Variants in MPPED1 observed in about 807,000 individuals in gnomAD.
MPPED1 encodes the protein metallophosphoesterase domain containing 1, also known as metallophosphoesterase domain-containing protein 1.
A neutral mutation model predicts 36.2 loss-of-function variants in MPPED1; 16 were observed. The observed-to-expected ratio is 0.44, with a 90% CI of 0.30 to 0.67. The LOEUF (loss-of-function observed/expected upper bound fraction) is 0.67, where lower values mean the gene tolerates loss of function less well. MPPED1 is among the 30% of genes least tolerant of loss of function. MPPED1 has a pLI of 0.10. For missense variants in MPPED1, 307 were observed against 453.4 expected (o/e 0.68, Z 2.93); for synonymous variants, 199 against 191.3 (o/e 1.04, Z -0.33).
chr22:43,463,856 T>TTTCTTTC (rs1931060735), intron 3 of MPPED1, among the ~76,000 whole-genome samples: 1 of 148,520 alleles, frequency 6.7e-6, no homozygotes, highest in Non-Finnish European at 1.5e-5. Context: ...TCTTTCTTTC[T>TTTCTTTC]TTCTTTCTTT....
At chr22:43,465,340 T>C (rs868700322) in intron 3 of MPPED1, among the ~76,000 whole-genome samples, 4 of 152,366 alleles carry the variant, frequency 2.6e-5, no homozygotes, top group Middle Eastern at 6.8e-3. Flanking sequence ...TTACCATCCG[T>C]GGGCCAGCTA....
At chr22:43,473,670 G>A (rs571084735) in intron 3 of MPPED1, among the ~76,000 whole-genome samples, 53 of 152,202 alleles carry the variant, frequency 3.5e-4, no homozygotes, top group Non-Finnish European at 6.9e-4. Flanking sequence ...GGAGTCAGGG[G>A]CCCAAGCCTG....
intron 2 of MPPED1, among the ~76,000 whole-genome samples, chr22:43,431,153 T>G (rs1470078235): frequency 6.8e-6 from 1 of 147,290 alleles, no homozygotes; most frequent in Non-Finnish European, 1.5e-5. Context: ...GCGATTCTCC[T>G]GTCTCAGCCT....
At chr22:43,439,033 G>A (rs1244320904) in intron 3 of MPPED1, among the ~76,000 whole-genome samples, 1 of 152,224 alleles carries the variant, frequency 6.6e-6, no homozygotes, top group Admixed American at 6.5e-5. Flanking sequence ...CAGACAGGAA[G>A]AGATTTAAAA....
At chr22:43,455,390 G>A (rs1048684678) in intron 3 of MPPED1, among the ~76,000 whole-genome samples, 2 of 152,234 alleles carry the variant, frequency 1.3e-5, no homozygotes, top group Admixed American at 6.5e-5. Flanking sequence ...GATTACAGGC[G>A]TGAGCCACTG....
chr22:43,491,226 T>C (rs1308761723), intron 4 of MPPED1, among the ~76,000 whole-genome samples: 1 of 152,198 alleles, frequency 6.6e-6, no homozygotes, highest in African/African-American at 2.4e-5. Flanking sequence ...GGCTCCATGA[T>C]AATTATGATG....
chr22:43,427,992 A>G (rs1461885111), intron 2 of MPPED1, among the ~76,000 whole-genome samples: 1 of 152,158 alleles, frequency 6.6e-6, no homozygotes, highest in Non-Finnish European at 1.5e-5. Flanking sequence ...AAATCCTCGT[A>G]GAGAAGGCGC....
At chr22:43,447,875 ATATATATATTTT>A (rs1555899991) in intron 3 of MPPED1, among the ~76,000 whole-genome samples, 3,403 of 40,060 alleles carry the variant, frequency 0.085, 222 homozygotes, top group African/African-American at 0.23. Context: ...ATATATATAT[ATATATATATTTT>A]TTTTTTTTTT....
At chr22:43,459,346 C>T (rs1169945239) in intron 3 of MPPED1, among the ~76,000 whole-genome samples, 2 of 152,190 alleles carry the variant, frequency 1.3e-5, no homozygotes, top group Admixed American at 6.5e-5. Flanking sequence ...CCTCAGCCTC[C>T]CAAAATGCTG....
chr22:43,457,003 C>A (rs1930779124), intron 3 of MPPED1, among the ~76,000 whole-genome samples: 2 of 152,072 alleles, frequency 1.3e-5, no homozygotes, highest in Admixed American at 6.5e-5. Context: ...TCCTTTGTTG[C>A]TTGATTTGAC....
chr22:43,469,508 T>A (rs1005155099), intron 3 of MPPED1, among the ~76,000 whole-genome samples: 3 of 3,114 alleles, frequency 9.6e-4, no homozygotes, highest in Non-Finnish European at 8.2e-4. Flanking sequence ...GGAAAACTAA[T>A]GCAGCCTTAG....
chr22:43,464,246 G>A (rs983814280), intron 3 of MPPED1, among the ~76,000 whole-genome samples: 5 of 151,510 alleles, frequency 3.3e-5, no homozygotes, highest in African/African-American at 1.2e-4. Flanking sequence ...TGATGACACT[G>A]CATTTGTGTA....
intron 4 of MPPED1, among the ~76,000 whole-genome samples, chr22:43,480,106 C>T (rs550723108): frequency 8.5e-5 from 13 of 152,254 alleles, no homozygotes; most frequent in African/African-American, 3.1e-4. Flanking sequence ...TCAAGCAGTC[C>T]TCAGTGGGTT....
intron 4 of MPPED1, among the ~76,000 whole-genome samples, chr22:43,475,751 G>A (rs1445302118): frequency 1.3e-5 from 1 of 77,576 alleles, no homozygotes; most frequent in Non-Finnish European, 2.9e-5. Context: ...TGGTGGTGGT[G>A]GTGGTGATGA....
At chr22:43,483,719 G>T (rs1931821104) in intron 4 of MPPED1, among the ~76,000 whole-genome samples, 1 of 152,224 alleles carries the variant, frequency 6.6e-6, no homozygotes, top group South Asian at 2.1e-4. Context: ...GGGGAGTCCT[G>T]GGCAGGCTGG....
Position 43,502,554 on chromosome 22 carries a change from C to A in MPPED1, c.749-90C>A. ...CCGGAGTCCGGAAGCCCCATGCCTT[C>A]TCCAGGCTGCAGAAGCTGCTGCTAG... On this transcript the variant is annotated intron_variant, in intron 5 of 6. Transcript: ENST00000443721. The surrounding 1 kb of genome is among the most constrained non-coding windows in gnomAD (Gnocchi z 5.5). 9.7e-7 allele frequency: 1 copy of A among 1,032,968 alleles called. No homozygotes were observed. Among genetic ancestry groups the A allele is most frequent in the Non-Finnish European group, 1.5e-6 (1 of 669,454 alleles). 64.0% of individuals were successfully genotyped at this position (1,032,968 alleles called of 1,614,324 possible). A position where few individuals can be genotyped will look rare whatever the true frequency, so the allele number is the denominator to read the frequency against.
intron 3 of MPPED1, among the ~76,000 whole-genome samples, chr22:43,449,567 G>A (rs1930490418): frequency 6.6e-6 from 1 of 152,002 alleles, no homozygotes; most frequent in Non-Finnish European, 1.5e-5. Context: ...CTAGACCTCC[G>A]CCTGCCTCGA....
intron 4 of MPPED1, among the ~76,000 whole-genome samples, chr22:43,492,674 CCTGTGCA>C (rs2146906915): frequency 6.6e-6 from 1 of 152,332 alleles, no homozygotes; most frequent in South Asian, 2.1e-4. Context: ...CAGGCCCCCA[CCTGTGCA>C]AGGGGCTCTC....
At chr22:43,456,427 C>T (rs1056735029) in intron 3 of MPPED1, among the ~76,000 whole-genome samples, 4 of 152,102 alleles carry the variant, frequency 2.6e-5, no homozygotes, top group African/African-American at 7.2e-5. Flanking sequence ...ATGCCCAGCT[C>T]GCTGAGGGAC....
Sources: allele counts gnomAD v4.1 joint callset (sites outside exome capture counted in the v4.1 genomes callset), GRCh38; gene constraint gnomAD v4.1.1; non-coding constraint Gnocchi (gnomAD v3.1); transcripts MANE v1.5; gene names NCBI Gene and HGNC (gene_info 2026-07-23, HGNC 2026-07-21).